Variants in UNC5A observed in about 807,000 individuals in gnomAD.
UNC5A encodes the protein unc-5 netrin receptor A.
Under a neutral mutation model 87.4 loss-of-function variants are expected in UNC5A, and 20 were observed. That is an observed-to-expected ratio of 0.23 (90% CI 0.16 to 0.33). The LOEUF (loss-of-function observed/expected upper bound fraction) is 0.33, where lower values mean the gene tolerates loss of function less well. Among genes scored for constraint, UNC5A ranks in the 10% least tolerant of loss-of-function variants. The pLI, the probability that UNC5A is intolerant of heterozygous loss-of-function variation, is 1.00. For synonymous variants in UNC5A, 438 were observed against 482.3 expected, an observed-to-expected ratio of 0.91 and a Z score of 1.20; for missense variants, 844 against 1,133.4, an observed-to-expected ratio of 0.74 and a Z score of 3.67.
At chr5:176,847,423 G>T (rs1022373189) in intron 1 of UNC5A, among the ~76,000 whole-genome samples, 2 of 152,196 alleles carry the variant, frequency 1.3e-5, no homozygotes, top group Non-Finnish European at 2.9e-5. Context: ...AGGCGGGGGG[G>T]CCCTCAGCAT....
At chr5:176,857,022 C>A (rs973458994) in intron 1 of UNC5A, among the ~76,000 whole-genome samples, 1 of 152,240 alleles carries the variant, frequency 6.6e-6, no homozygotes, top group African/African-American at 2.4e-5. Flanking sequence ...GTTCCCTTTT[C>A]CAAGCACACT....
intron 1 of UNC5A, among the ~76,000 whole-genome samples, chr5:176,857,857 GGCCAGGTCACGTCCCTT>G (rs1302066041): frequency 6.6e-6 from 1 of 152,240 alleles, no homozygotes; most frequent in Non-Finnish European, 1.5e-5. Context: ...CGGGCAGCCA[GGCCAGGTCACGTCCCTT>G]GCCAGTGGGA....
Position 176,875,947 on chromosome 5 carries a change from A to G in UNC5A, c.1379-1245A>G, listed in dbSNP as rs186802609. 3.0e-4 allele frequency among the ~76,000 whole-genome samples: 46 copies of G among 152,322 alleles called. No individual in the cohort carries two copies. The highest frequency in any genetic ancestry group is 1.1e-3 in the African/African-American group (45 of 41,576). ...ATGGGGCTGTTGGGATGACGAGGTGAGACGGCATCTGTCAGCTCTTACAGA... is the reference window on the plus strand; with the variant it reads ...ATGGGGCTGTTGGGATGACGAGGTGGGACGGCATCTGTCAGCTCTTACAGA... On this transcript the variant is annotated intron_variant, in intron 8 of 14. Transcript: ENST00000329542. This position sits in a 1 kb window ranked among gnomAD's most constrained non-coding sequence, Gnocchi z 5.2.
intron 1 of UNC5A, among the ~76,000 whole-genome samples, chr5:176,822,467 C>T (rs746139401): frequency 1.6e-4 from 24 of 152,200 alleles, no homozygotes; most frequent in Non-Finnish European, 2.9e-4. Context: ...GGATAATGAG[C>T]ATTCATGAGG....
chr5:176,875,423 G>A lies in UNC5A; in HGVS notation c.1378+857G>A, dbSNP rs1292901184. Among the ~76,000 whole-genome samples the A allele has an allele frequency of 6.6e-6, 1 of 151,664 alleles. No individual in the cohort carries two copies. The highest frequency in any genetic ancestry group is 1.9e-4 in the East Asian group (1 of 5,146). ...GTTCACGGATCGTCTAGTTGCTCAA[G>A]CCGGAAACTTGGGGTCACCTTGACC... On this transcript the variant is annotated intron_variant, in intron 8 of 14. Coordinates refer to ENST00000329542, the MANE Select transcript of UNC5A (RefSeq NM_133369.3). The surrounding 1 kb of genome is among the most constrained non-coding windows in gnomAD (Gnocchi z 5.2).
chr5:176,851,659 C>G (rs575903185), intron 1 of UNC5A, among the ~76,000 whole-genome samples: 2 of 152,210 alleles, frequency 1.3e-5, no homozygotes, highest in Non-Finnish European at 2.9e-5. Flanking sequence ...GTGCACCCCC[C>G]TCGGGTGGCC....
At chr5:176,856,802 C>T (rs1757678088) in intron 1 of UNC5A, among the ~76,000 whole-genome samples, 1 of 152,088 alleles carries the variant, frequency 6.6e-6, no homozygotes, top group Non-Finnish European at 1.5e-5. Context: ...AGGGAGAGCA[C>T]ACCACACCCC....
chr5:176,854,715 G>A (rs1426146449), intron 1 of UNC5A, among the ~76,000 whole-genome samples: 5 of 152,230 alleles, frequency 3.3e-5, no homozygotes, highest in Non-Finnish European at 7.3e-5. Context: ...CCATTGCTGG[G>A]AATGATGTTC....
intron 1 of UNC5A, among the ~76,000 whole-genome samples, chr5:176,828,383 G>T (rs944055098): frequency 6.6e-6 from 1 of 152,026 alleles, no homozygotes; most frequent in Non-Finnish European, 1.5e-5. Flanking sequence ...ATCAGTGTGG[G>T]GAGTCACCAC....
chr5:176,829,164 G>A (rs866479369), intron 1 of UNC5A, among the ~76,000 whole-genome samples: 1 of 8,284 alleles, frequency 1.2e-4, no homozygotes, highest in African/African-American at 1.8e-4. Context: ...AAAGATGGAT[G>A]GATGGATGGA....
chr5:176,862,459 T>G (rs116567211), intron 1 of UNC5A, among the ~76,000 whole-genome samples, 165 bp from the exon 2 acceptor site: 4,892 of 152,098 alleles, frequency 0.032, 245 homozygotes, highest in African/African-American at 0.11. Context: ...GAGGCCCGGG[T>G]GGGGGATGGT....
chr5:176,875,895 G>A lies in UNC5A; in HGVS notation c.1379-1297G>A, dbSNP rs112795576. Among the ~76,000 whole-genome samples, 28 of 152,322 alleles carry A rather than the reference G, an allele frequency of 1.8e-4. No individual in the cohort carries two copies. The highest frequency in any genetic ancestry group is 4.6e-4 in the African/African-American group (19 of 41,574). Reference sequence around the variant, plus strand: ...ACAGCTCTTGCCGTCTGTGCCTCACGTCCACACGGATGATAACGAACCCCT... The same window carrying A: ...ACAGCTCTTGCCGTCTGTGCCTCACATCCACACGGATGATAACGAACCCCT... On this transcript the variant is annotated intron_variant, in intron 8 of 14. Coordinates refer to ENST00000329542, the MANE Select transcript of UNC5A (RefSeq NM_133369.3). The surrounding 1 kb of genome is among the most constrained non-coding windows in gnomAD (Gnocchi z 5.2).
intron 1 of UNC5A, among the ~76,000 whole-genome samples, chr5:176,843,701 G>C (rs1037921366): frequency 6.6e-6 from 1 of 152,246 alleles, no homozygotes; most frequent in African/African-American, 2.4e-5. Flanking sequence ...TTCTCTGGAC[G>C]GGTGGCTTGT....
At position 176,879,470 on chromosome 5, in the gene UNC5A, A is replaced by G. The variant is rs779084482; in HGVS notation, c.2345A>G (p.Gln782Arg). ...GGTGCCGACTGGCGGACTCTGGCCC[A>G]GAAACTCCACCTGGACAGGTGGGCG... The part of the protein sequence containing the change: ...RRGADWRTLA[Q>R]KLHLDSHLSF... The change falls in exon 14 of 15, where the codon CAG becomes CGG. Residue 782 changes from glutamine to arginine, a missense_variant. Gln to Arg is a conservative substitution (Grantham distance 43). This residue lies in a region of UNC5A where 177 missense variants were observed against 279.4 expected (regional missense o/e 0.63). Transcript: ENST00000329542. 1 of 1,609,698 alleles carries G rather than the reference A, an allele frequency of 6.2e-7. No individual in the cohort carries two copies. Among genetic ancestry groups the G allele is most frequent in the Non-Finnish European group, 8.5e-7 (1 of 1,178,346 alleles).
At chr5:176,851,997 C>T (rs571144740) in intron 1 of UNC5A, among the ~76,000 whole-genome samples, 29 of 152,318 alleles carry the variant, frequency 1.9e-4, no homozygotes, top group African/African-American at 6.0e-4. Context: ...AACTCATTTC[C>T]TCATTAGGAA....
chr5:176,862,527 A>C (rs1187322451), intron 1 of UNC5A, 97 bp from the exon 2 acceptor site: 2 of 1,176,774 alleles, frequency 1.7e-6, no homozygotes, highest in Non-Finnish European at 2.4e-6. Context: ...CTCTCCTCCC[A>C]TCTGCCCCAA....
chr5:176,858,668 G>C (rs1413806813), intron 1 of UNC5A, among the ~76,000 whole-genome samples: 1 of 148,602 alleles, frequency 6.7e-6, no homozygotes, highest in Admixed American at 6.8e-5. Context: ...GCACTACCTG[G>C]CGTTGTCTTT....
Position 176,875,472 on chromosome 5 carries a change from C to G in UNC5A, c.1378+906C>G, listed in dbSNP as rs1041092530. 1.3e-5 allele frequency among the ~76,000 whole-genome samples: 2 copies of G among 152,172 alleles called. No individual in the cohort carries two copies. The highest frequency in any genetic ancestry group is 4.8e-5 in the African/African-American group (2 of 41,426). ...CCTGCTGCTCGTCCTCTCTTGCCCC[C>G]CGCCAGCTTCAGTCCCACGCCAGTC... is the stretch of plus-strand genomic sequence containing the variant. On this transcript the variant is annotated intron_variant, in intron 8 of 14. Coordinates refer to ENST00000329542, the MANE Select transcript of UNC5A (RefSeq NM_133369.3). This position sits in a 1 kb window ranked among gnomAD's most constrained non-coding sequence, Gnocchi z 5.2.
rs1439243850 is a variant in UNC5A, at chr5:176,841,288, G to A, written c.71-21336G>A. The stretch of plus-strand genomic sequence containing the variant: ...CGTTTGCAGACAGAGCTGTGCCAGA[G>A]TGAGCCAGCCAGAGGTGAAGCGGGG... On this transcript the variant is annotated intron_variant, in intron 1 of 14. Transcript: ENST00000329542. The surrounding 1 kb of genome is among the most constrained non-coding windows in gnomAD (Gnocchi z 4.1). 1.3e-5 allele frequency among the ~76,000 whole-genome samples: 2 copies of A among 152,184 alleles called. No homozygotes were observed. Among genetic ancestry groups the A allele is most frequent in the Non-Finnish European group, 2.9e-5 (2 of 68,030 alleles).
Sources: allele counts gnomAD v4.1 joint callset (sites outside exome capture counted in the v4.1 genomes callset), GRCh38; gene constraint gnomAD v4.1.1; regional missense constraint gnomAD v4.1.1; non-coding constraint Gnocchi (gnomAD v3.1); transcripts MANE v1.5; gene names NCBI Gene and HGNC (gene_info 2026-07-23, HGNC 2026-07-21).